Variants in TM2D1 observed in about 807,000 individuals in gnomAD.
The protein encoded by TM2D1 is TM2 domain containing 1, also known as TM2 domain-containing protein 1.
A neutral mutation model predicts 28.4 loss-of-function variants in TM2D1; 15 were observed. That is an observed-to-expected ratio of 0.53 (90% CI 0.35 to 0.81). The LOEUF (loss-of-function observed/expected upper bound fraction) is 0.81, where lower values mean the gene tolerates loss of function less well. Among genes scored for constraint, TM2D1 ranks in the 40% least tolerant of loss-of-function variants. The pLI is 0.01. For missense variants in TM2D1, 236 were observed against 254.9 expected (o/e 0.93, Z 0.50); for synonymous variants, 93 against 96.2 (o/e 0.97, Z 0.20).
At chr1:61,700,451 G>C (rs1238438516) in intron 4 of TM2D1, among the ~76,000 whole-genome samples, 1 of 152,062 alleles carries the variant, frequency 6.6e-6, no homozygotes, top group Non-Finnish European at 1.5e-5. Flanking sequence ...AGAAAGGGGG[G>C]CTAAGGGTGA....
chr1:61,693,237 C>CA (rs1644341479), intron 5 of TM2D1, among the ~76,000 whole-genome samples: 1 of 151,880 alleles, frequency 6.6e-6, no homozygotes, highest in Non-Finnish European at 1.5e-5. Flanking sequence ...GACCCTGTCT[C>CA]AAAAAAACTA....
intron 3 of TM2D1, among the ~76,000 whole-genome samples, chr1:61,705,336 C>T (rs1644432984): frequency 6.6e-6 from 1 of 152,070 alleles, no homozygotes; most frequent in Non-Finnish European, 1.5e-5. Flanking sequence ...CAGGCACGCA[C>T]CACCATGCCC....
At chr1:61,688,665 G>A (rs1644301840) in intron 5 of TM2D1, among the ~76,000 whole-genome samples, 1 of 151,358 alleles carries the variant, frequency 6.6e-6, no homozygotes, top group African/African-American at 2.4e-5. Context: ...GGAGGTCACA[G>A]TGAGCCAAGA....
chr1:61,689,130 T>C (rs1405953162), intron 5 of TM2D1, among the ~76,000 whole-genome samples: 1 of 152,214 alleles, frequency 6.6e-6, no homozygotes, highest in Non-Finnish European at 1.5e-5. Flanking sequence ...GCATTGGTAG[T>C]AGATTTATGG....
At chr1:61,701,765 G>A (rs1209502669) in intron 3 of TM2D1, among the ~76,000 whole-genome samples, 2 of 152,032 alleles carry the variant, frequency 1.3e-5, no homozygotes, top group African/African-American at 4.8e-5. Flanking sequence ...TAATTTAGAA[G>A]GCAATGCAAA....
At chr1:61,698,919 T>G (rs1295669646) in intron 4 of TM2D1, 1 of 152,158 alleles carries the variant, frequency 6.6e-6, no homozygotes, top group Non-Finnish European at 1.5e-5. Flanking sequence ...TATAACTACT[T>G]TCATTGCAGT....
At chr1:61,693,818 C>T (rs1163612114) in intron 5 of TM2D1, among the ~76,000 whole-genome samples, 3 of 152,162 alleles carry the variant, frequency 2.0e-5, no homozygotes, top group Non-Finnish European at 4.4e-5. Context: ...GACACACTTG[C>T]TAAAGACGTT....
At chr1:61,719,198 C>T (rs1644542890) in intron 2 of TM2D1, among the ~76,000 whole-genome samples, 1 of 151,948 alleles carries the variant, frequency 6.6e-6, no homozygotes. Context: ...GCTGGGACTA[C>T]ACATGTGCGT....
intron 4 of TM2D1, among the ~76,000 whole-genome samples, chr1:61,695,639 G>A (rs1389303816): frequency 1.3e-5 from 2 of 152,096 alleles, no homozygotes; most frequent in African/African-American, 4.8e-5. Flanking sequence ...CCTAAGAGAG[G>A]ATGAGATCAC....
intron 5 of TM2D1, among the ~76,000 whole-genome samples, chr1:61,685,373 A>T (rs1419058441): frequency 6.6e-6 from 1 of 152,232 alleles, no homozygotes; most frequent in Non-Finnish European, 1.5e-5. Context: ...ATTTAAACTT[A>T]TGATAGAAAA....
chr1:61,690,860 C>T (rs2148037137), intron 5 of TM2D1, among the ~76,000 whole-genome samples: 1 of 152,176 alleles, frequency 6.6e-6, no homozygotes, highest in Admixed American at 6.5e-5. Context: ...ACATACTTTA[C>T]CAGTCTGTTA....
chr1:61,685,569 A>G (rs1192433557), intron 5 of TM2D1, among the ~76,000 whole-genome samples: 1 of 152,208 alleles, frequency 6.6e-6, no homozygotes, highest in Non-Finnish European at 1.5e-5. Context: ...ATAAAATACC[A>G]TCTCTGCCAA....
chr1:61,700,116 A>G, intron 4 of TM2D1: 1 of 1,462,758 alleles, frequency 6.8e-7, no homozygotes. Context: ...TTGGGTTCAA[A>G]TTGAGGTCAC....
intron 3 of TM2D1, among the ~76,000 whole-genome samples, chr1:61,705,608 G>C (rs1201801671): frequency 1.3e-5 from 2 of 152,078 alleles, no homozygotes; most frequent in African/African-American, 4.8e-5. Context: ...CCATTTCCAA[G>C]TCTGGCCCAT....
At chr1:61,688,937 T>C (rs572189983) in intron 5 of TM2D1, among the ~76,000 whole-genome samples, 20 of 151,296 alleles carry the variant, frequency 1.3e-4, no homozygotes, top group African/African-American at 4.9e-4. Context: ...CTCAGGAGGC[T>C]GAGGCAGGAG....
chr1:61,700,089 C>G (rs2148047480), intron 4 of TM2D1: 2 of 1,437,028 alleles, frequency 1.4e-6, no homozygotes, highest in South Asian at 3.2e-5. Flanking sequence ...AAAGCATGAT[C>G]TCTGGAGCCA....
intron 5 of TM2D1, chr1:61,694,195 A>G (rs1644347731): frequency 6.6e-6 from 1 of 152,170 alleles, no homozygotes; most frequent in Admixed American, 6.6e-5. Flanking sequence ...ATTTGCAAAC[A>G]ACACAATACT....
At chr1:61,723,422 G>A (rs1644582179) in intron 2 of TM2D1, among the ~76,000 whole-genome samples, 1 of 152,126 alleles carries the variant, frequency 6.6e-6, no homozygotes. Context: ...GGAAAATAAA[G>A]TATATAAAAT....
At chr1:61,714,801 C>G (rs1428860000) in intron 2 of TM2D1, among the ~76,000 whole-genome samples, 2 of 152,126 alleles carry the variant, frequency 1.3e-5, no homozygotes, top group Non-Finnish European at 2.9e-5. Flanking sequence ...AGCAATCCAC[C>G]CATTTCGGCC....
Sources: allele counts gnomAD v4.1 joint callset (sites outside exome capture counted in the v4.1 genomes callset), GRCh38; gene constraint gnomAD v4.1.1; transcripts MANE v1.5; gene names NCBI Gene and HGNC (gene_info 2026-07-23, HGNC 2026-07-21).